OR2L13: variants seen among roughly 807,000 people sequenced by gnomAD.
The protein encoded by OR2L13 is olfactory receptor 2L13.
OR2L13 carries 14 observed loss-of-function variants against 15.3 expected under a neutral mutation model. That is an observed-to-expected ratio of 0.91 (90% CI 0.60 to 1.43). The LOEUF (loss-of-function observed/expected upper bound fraction) is 1.43. Among genes scored for constraint, OR2L13 ranks in the 40% most tolerant of loss-of-function variants. OR2L13 has a pLI of 0.00. For synonymous variants in OR2L13, 152 were observed against 142.9 expected, an observed-to-expected ratio of 1.06 and a Z score of -0.45; for missense variants, 367 against 387.9, an observed-to-expected ratio of 0.95 and a Z score of 0.45.
the OR2L13 span, chr1:248,003,012 T>C: frequency 1.5e-6 from 1 of 652,948 alleles, no homozygotes; most frequent in Non-Finnish European, 2.8e-6. Flanking sequence ...CTATTTATTA[T>C]AGCCTCAATT....
At chr1:247,995,706 A>G in the OR2L13 span, among the ~76,000 whole-genome samples, 3 of 152,116 alleles carry the variant, frequency 2.0e-5, no homozygotes, top group Non-Finnish European at 4.4e-5. Context: ...TTATTTTATA[A>G]TTCCTCTAGC....
chr1:248,045,575 AAC>A, the OR2L13 span, among the ~76,000 whole-genome samples: 1 of 152,176 alleles, frequency 6.6e-6, no homozygotes, highest in Non-Finnish European at 1.5e-5. Flanking sequence ...AAGATGTGAA[AAC>A]AGTTACCTGG....
the OR2L13 span, among the ~76,000 whole-genome samples, chr1:248,020,898 A>G: frequency 6.6e-6 from 1 of 151,416 alleles, no homozygotes; most frequent in Non-Finnish European, 1.5e-5. Context: ...TATGGGACCA[A>G]CATGGCACAT....
chr1:247,989,212 T>C, the OR2L13 span, among the ~76,000 whole-genome samples: 2 of 152,186 alleles, frequency 1.3e-5, no homozygotes, highest in Non-Finnish European at 2.9e-5. Flanking sequence ...TCTACATTTC[T>C]AAATAGAAGA....
chr1:248,092,823 G>A (rs932945050), upstream of OR2L13, among the ~76,000 whole-genome samples: 2 of 152,004 alleles, frequency 1.3e-5, no homozygotes, highest in African/African-American at 2.4e-5. Flanking sequence ...GCTCCAACTT[G>A]TTAATGAGTA....
chr1:247,949,927 A>C, the OR2L13 span: 1 of 592,368 alleles, frequency 1.7e-6, no homozygotes, highest in Admixed American at 3.6e-5. Context: ...TCACTGATAT[A>C]TGGACAAAAT....
chr1:248,032,523 C>A, the OR2L13 span, among the ~76,000 whole-genome samples: 1 of 152,070 alleles, frequency 6.6e-6, no homozygotes, highest in African/African-American at 2.4e-5. Context: ...ACTCCCTTCC[C>A]CCATCCCCAG....
chr1:247,974,745 G>A, the OR2L13 span: 3 of 233,772 alleles, frequency 1.3e-5, no homozygotes, highest in African/African-American at 6.9e-5. Flanking sequence ...ATGCCCCATG[G>A]AAAAATACAA....
the OR2L13 span, among the ~76,000 whole-genome samples, chr1:248,050,042 A>G: frequency 1.3e-5 from 2 of 152,194 alleles, no homozygotes; most frequent in Admixed American, 6.5e-5. Context: ...ATGAACTCCA[A>G]TAGAATCACG....
the OR2L13 span, chr1:247,965,882 G>A: frequency 9.3e-6 from 15 of 1,613,716 alleles, no homozygotes; most frequent in Non-Finnish European, 1.2e-5. Flanking sequence ...CTTCCATTCT[G>A]TAGGTCTCGG....
At chr1:248,055,244 T>A in the OR2L13 span, among the ~76,000 whole-genome samples, 1 of 152,170 alleles carries the variant, frequency 6.6e-6, no homozygotes, top group East Asian at 1.9e-4. Context: ...ATTACATTCA[T>A]TGATTTGTGT....
the OR2L13 span, among the ~76,000 whole-genome samples, chr1:247,967,900 G>T: frequency 0.039 from 5,747 of 145,706 alleles, 196 homozygotes; most frequent in East Asian, 0.096. Flanking sequence ...CTCCTTCCTC[G>T]TCCTCTTCCT....
At chr1:247,944,515 G>A in the OR2L13 span, among the ~76,000 whole-genome samples, 2 of 152,048 alleles carry the variant, frequency 1.3e-5, no homozygotes, top group Non-Finnish European at 2.9e-5. Flanking sequence ...GTGTCAATGT[G>A]TTTTCATTGT....
chr1:247,968,285 A>G, the OR2L13 span, among the ~76,000 whole-genome samples: 318 of 152,278 alleles, frequency 2.1e-3, 2 homozygotes, highest in African/African-American at 7.4e-3. Context: ...AGATTAGAAG[A>G]GTTCAATGGA....
At chr1:247,949,324 G>T in the OR2L13 span, 1 of 1,614,162 alleles carries the variant, frequency 6.2e-7, no homozygotes, top group Non-Finnish European at 8.5e-7. Flanking sequence ...ATCAATGCTT[G>T]TGCTCACACT....
the OR2L13 span, among the ~76,000 whole-genome samples, chr1:247,952,665 T>C: frequency 6.6e-6 from 1 of 152,200 alleles, no homozygotes; most frequent in Non-Finnish European, 1.5e-5. Flanking sequence ...TAAGATATTT[T>C]TTCATAGCAG....
chr1:247,984,788 A>G, the OR2L13 span, among the ~76,000 whole-genome samples: 1 of 149,038 alleles, frequency 6.7e-6, no homozygotes, highest in Admixed American at 6.6e-5. Flanking sequence ...GGTGGCACTA[A>G]GTACATTTAT....
At chr1:247,990,738 T>C in the OR2L13 span, 1 of 1,582,272 alleles carries the variant, frequency 6.3e-7, no homozygotes, top group Non-Finnish European at 8.7e-7. Context: ...ACTCTTGTGC[T>C]CACACGGTAT....
At chr1:247,983,048 A>G in the OR2L13 span, among the ~76,000 whole-genome samples, 1 of 152,168 alleles carries the variant, frequency 6.6e-6, no homozygotes, top group African/African-American at 2.4e-5. Context: ...TTGCATAAAT[A>G]TGTATATGTG....
Sources: gnomAD v4.1 joint callset for allele counts (sites outside exome capture counted in the v4.1 genomes callset) on GRCh38, gnomAD v4.1.1 for gene constraint, MANE v1.5 for transcripts, NCBI Gene and HGNC (gene_info 2026-07-23, HGNC 2026-07-21) for gene names.